Variants in PSMA1 observed in about 807,000 individuals in gnomAD.
PSMA1 encodes proteasome subunit alpha type-1.
A neutral mutation model predicts 38.4 loss-of-function variants in PSMA1; 3 were observed. That is an observed-to-expected ratio of 0.08 (90% CI 0.04 to 0.20). The LOEUF (loss-of-function observed/expected upper bound fraction) is 0.20. Among genes scored for constraint, PSMA1 ranks in the 10% least tolerant of loss-of-function variants. The pLI, the probability that PSMA1 is intolerant of heterozygous loss-of-function variation, is 1.00. For synonymous variants in PSMA1, 101 were observed against 107.1 expected (o/e 0.94, Z 0.35); for missense variants, 227 against 325.3 (o/e 0.70, Z 2.32).
chr11:14,638,276 C>T (rs560523657), intron 1 of PSMA1, among the ~76,000 whole-genome samples: 185 of 152,066 alleles, frequency 1.2e-3, no homozygotes, highest in African/African-American at 4.4e-3. Flanking sequence ...GTAACACACA[C>T]GAAGTCACAT....
At chr11:14,579,339 C>T (rs533938643) in intron 2 of PSMA1, among the ~76,000 whole-genome samples, 4 of 152,230 alleles carry the variant, frequency 2.6e-5, no homozygotes, top group South Asian at 2.1e-4. Context: ...TACGTAACGG[C>T]GATCTCTACC....
chr11:14,602,145 T>C (rs1852588060), intron 2 of PSMA1, among the ~76,000 whole-genome samples: 1 of 152,088 alleles, frequency 6.6e-6, no homozygotes, highest in Admixed American at 6.5e-5. Flanking sequence ...ATCCCTCCCA[T>C]TAGAGCAAGA....
At chr11:14,627,624 G>A (rs921955110) in intron 1 of PSMA1, among the ~76,000 whole-genome samples, 7 of 151,996 alleles carry the variant, frequency 4.6e-5, no homozygotes, top group African/African-American at 1.7e-4. Flanking sequence ...AATCTCAATT[G>A]TCCCATGTGT....
chr11:14,549,085 G>A (rs1389264266), intron 2 of PSMA1, among the ~76,000 whole-genome samples: 1 of 151,916 alleles, frequency 6.6e-6, no homozygotes, highest in African/African-American at 2.4e-5. Context: ...GTAGACTCAT[G>A]ATAGAGTCAG....
At chr11:14,609,525 G>A (rs927389162) in intron 2 of PSMA1, among the ~76,000 whole-genome samples, 1 of 152,308 alleles carries the variant, frequency 6.6e-6, no homozygotes, top group South Asian at 2.1e-4. Flanking sequence ...GTTATGAGAT[G>A]TTGAGAGGGG....
At chr11:14,556,061 A>T (rs887868029) in intron 2 of PSMA1, among the ~76,000 whole-genome samples, 1 of 152,076 alleles carries the variant, frequency 6.6e-6, no homozygotes, top group African/African-American at 2.4e-5. Flanking sequence ...CAGCTGTTTG[A>T]GATGCCCCCT....
At chr11:14,574,860 T>C (rs773729522) in intron 2 of PSMA1, among the ~76,000 whole-genome samples, 1 of 152,184 alleles carries the variant, frequency 6.6e-6, no homozygotes, top group Admixed American at 6.5e-5. Context: ...AATGGACTTA[T>C]ACAGTAAATT....
chr11:14,541,158 T>G (rs1476801106), intron 2 of PSMA1, among the ~76,000 whole-genome samples: 3 of 152,254 alleles, frequency 2.0e-5, no homozygotes, highest in Non-Finnish European at 4.4e-5. Context: ...AAATGTTGTA[T>G]TTTTCTACTT....
At chr11:14,510,849 C>A (rs1320886520) in intron 8 of PSMA1, 23 bp downstream of exon 8, 1 of 1,540,988 alleles carries the variant, frequency 6.5e-7, no homozygotes, top group Non-Finnish European at 8.9e-7. Flanking sequence ...TTAATATCTA[C>A]AATTGGAAAA....
intron 2 of PSMA1, among the ~76,000 whole-genome samples, chr11:14,528,785 G>A (rs548558385): frequency 6.6e-6 from 1 of 152,128 alleles, no homozygotes; most frequent in Non-Finnish European, 1.5e-5. Flanking sequence ...CAACCTAACT[G>A]ATCAATGTAC....
intron 2 of PSMA1, among the ~76,000 whole-genome samples, chr11:14,536,204 C>T (rs551271061): frequency 6.6e-6 from 1 of 152,260 alleles, no homozygotes; most frequent in African/African-American, 2.4e-5. Context: ...TATTACTAAT[C>T]CCGGCCAATG....
intron 4 of PSMA1, among the ~76,000 whole-genome samples, chr11:14,516,608 T>A (rs889273612): frequency 6.6e-6 from 1 of 152,170 alleles, no homozygotes; most frequent in Non-Finnish European, 1.5e-5. Flanking sequence ...TCTGTGTTAG[T>A]GGTTTACAGT....
intron 2 of PSMA1, among the ~76,000 whole-genome samples, chr11:14,554,295 A>G (rs1488101795): frequency 2.0e-5 from 3 of 152,146 alleles, no homozygotes; most frequent in African/African-American, 7.2e-5. Flanking sequence ...GTGATATTTT[A>G]CAGAGCAAAA....
At chr11:14,581,030 G>C (rs1852276423) in intron 2 of PSMA1, among the ~76,000 whole-genome samples, 1 of 152,198 alleles carries the variant, frequency 6.6e-6, no homozygotes, top group Non-Finnish European at 1.5e-5. Flanking sequence ...GTTATGGGAT[G>C]AATCGAGGGA....
chr11:14,599,988 A>G (rs1356674816), intron 2 of PSMA1, among the ~76,000 whole-genome samples: 9 of 152,062 alleles, frequency 5.9e-5, no homozygotes, highest in Admixed American at 5.9e-4. Context: ...TTTCCTCCTA[A>G]CAGTCAAGTC....
intron 1 of PSMA1, among the ~76,000 whole-genome samples, chr11:14,631,361 T>C (rs563490222): frequency 6.6e-6 from 1 of 152,326 alleles, no homozygotes; most frequent in East Asian, 1.9e-4. Context: ...TTCTGGTATG[T>C]TGTGTCTTTG....
Position 14,514,222 on chromosome 11 carries a change from CTTAT to C in PSMA1, c.343+177_343+180del, listed in dbSNP as rs564983570. 5,233 of 1,352,866 alleles carry C rather than the reference CTTAT, an allele frequency of 3.9e-3. 14 individuals are homozygous for C. The highest frequency in any genetic ancestry group is 4.2e-3 in the South Asian group (197 of 47,250). The allele number at this position is 1,352,866 out of a possible 1,614,324, so 83.8% of individuals were successfully genotyped here. A position where few individuals can be genotyped will look rare whatever the true frequency, so the allele number is the denominator to read the frequency against. ...CTTAGATGATTTTCCTGAAGTTGGG[CTTAT>C]TTGTGTCTAGCAAATATAAATTGCT... On this transcript the variant is annotated intron_variant, in intron 5 of 9. Coordinates refer to ENST00000396394, the MANE Select transcript of PSMA1 (RefSeq NM_002786.4).
At chr11:14,520,136 C>G (rs1851503891) in intron 1 of PSMA1, 161 bp downstream of exon 1, 4 of 1,172,332 alleles carry the variant, frequency 3.4e-6, no homozygotes, top group South Asian at 1.4e-5. Flanking sequence ...CTAGCCCGGC[C>G]AGGCCGGAGA....
chr11:14,625,922 G>A (rs1314563809), intron 1 of PSMA1, among the ~76,000 whole-genome samples: 4 of 152,188 alleles, frequency 2.6e-5, no homozygotes, highest in South Asian at 2.1e-4. Flanking sequence ...CTTAGCTAAC[G>A]ATAAAATGGT....
Sources: gnomAD v4.1 joint callset for allele counts (sites outside exome capture counted in the v4.1 genomes callset) on GRCh38, gnomAD v4.1.1 for gene constraint, MANE v1.5 for transcripts, NCBI Gene and HGNC (gene_info 2026-07-23, HGNC 2026-07-21) for gene names.